Variants in ACOT13 observed in about 807,000 individuals in gnomAD.
ACOT13 encodes acyl-CoA thioesterase 13.
Under a neutral mutation model 11.8 loss-of-function variants are expected in ACOT13, and 10 were observed. That is an observed-to-expected ratio of 0.85 (90% CI 0.53 to 1.44). The LOEUF (loss-of-function observed/expected upper bound fraction) is 1.44. Among genes scored for constraint, ACOT13 ranks in the 40% most tolerant of loss-of-function variants. The pLI is 0.00. For synonymous variants in ACOT13, 53 were observed against 61.0 expected (o/e 0.87, Z 0.61); for missense variants, 172 against 174.1 (o/e 0.99, Z 0.07).
chr6:24,674,485 T>C (rs980430155), intron 1 of ACOT13, among the ~76,000 whole-genome samples: 4 of 152,300 alleles, frequency 2.6e-5, no homozygotes, highest in African/African-American at 4.8e-5. Context: ...TTCAGCTGAG[T>C]GCAGCGTCTG....
At chr6:24,683,006 G>A (rs1244370217) in intron 1 of ACOT13, among the ~76,000 whole-genome samples, 1 of 152,184 alleles carries the variant, frequency 6.6e-6, no homozygotes, top group African/African-American at 2.4e-5. Context: ...GAGCTAAGTT[G>A]CAAGCCCCGT....
intron 1 of ACOT13, among the ~76,000 whole-genome samples, chr6:24,683,208 C>G (rs1778580721): frequency 6.6e-6 from 1 of 152,138 alleles, no homozygotes; most frequent in South Asian, 2.1e-4. Context: ...AAATGTGAAC[C>G]CCAAAAATTT....
rs1361065448 is a variant in ACOT13, at chr6:24,702,781, A to T, written c.*1166A>T. ...GAAATGGTCCAATAGAGGGGGAAGA[A>T]AAAAAGCATGCTACTAGCCCCTTTT... On this transcript the variant is annotated 3_prime_UTR_variant, in exon 3 of 3. Coordinates refer to ENST00000230048, the MANE Select transcript of ACOT13 (RefSeq NM_018473.4). 10 of 151,490 alleles carry T rather than the reference A, an allele frequency of 6.6e-5. No homozygotes were observed. The highest frequency in any genetic ancestry group is 2.1e-4 in the South Asian group (1 of 4,832). 9.4% of individuals were successfully genotyped at this position (151,490 alleles called of 1,614,324 possible).
At chr6:24,696,741 AGTT>A (rs1778800133) in intron 1 of ACOT13, among the ~76,000 whole-genome samples, 1 of 152,048 alleles carries the variant, frequency 6.6e-6, no homozygotes, top group Non-Finnish European at 1.5e-5. Context: ...CCTTTCCATA[AGTT>A]GCCTTTTTAA....
chr6:24,699,662 A>G (rs1419946456), intron 2 of ACOT13, among the ~76,000 whole-genome samples: 1 of 152,254 alleles, frequency 6.6e-6, no homozygotes, highest in Admixed American at 6.5e-5. Context: ...TACAGAAAAG[A>G]AAGGCTCTGC....
At chr6:24,692,594 A>T (rs1379440468) in intron 1 of ACOT13, among the ~76,000 whole-genome samples, 3 of 151,792 alleles carry the variant, frequency 2.0e-5, no homozygotes, top group Non-Finnish European at 4.4e-5. Context: ...ATTTTAAAAA[A>T]TTTTTCTAGA....
At chr6:24,697,849 A>G (rs1288158843) in intron 1 of ACOT13, 34 bp from the exon 2 acceptor site, 1 of 1,541,222 alleles carries the variant, frequency 6.5e-7, no homozygotes, top group Admixed American at 2.0e-5. Flanking sequence ...AATTCTACAG[A>G]ATTAATGTTC....
intron 1 of ACOT13, among the ~76,000 whole-genome samples, chr6:24,670,309 C>T (rs1188595894): frequency 6.6e-6 from 1 of 152,194 alleles, no homozygotes; most frequent in Non-Finnish European, 1.5e-5. Context: ...CAAGCTCAGC[C>T]ATGGATTTGT....
At position 24,701,481 on chromosome 6, in the gene ACOT13, G is replaced by A. The variant is rs1778890947; in HGVS notation, c.289G>A (p.Gly97Arg). The A allele has an allele frequency of 2.5e-6, 4 of 1,607,764 alleles. No homozygotes were observed. The highest frequency in any genetic ancestry group is 3.4e-6 in the Non-Finnish European group (4 of 1,176,662). ...NITYMSPAKLGEDIVITAHVL... is the reference protein window; with the variant it reads ...NITYMSPAKLREDIVITAHVL... ...AAGGTACATGTCACCTGCAAAATTAGGAGAAGATATAGTGATTACAGCACA... is the reference window on the plus strand; with the variant it reads ...AAGGTACATGTCACCTGCAAAATTAAGAGAAGATATAGTGATTACAGCACA... The change falls in exon 3 of 3, where the codon GGA (glycine) becomes AGA (arginine). Residue 97 changes from glycine (G) to arginine (R), a missense_variant. Physicochemically the swap from Gly to Arg is moderately radical, Grantham distance 125. Transcript: ENST00000230048.
chr6:24,691,145 A>G (rs1211241587), intron 1 of ACOT13, among the ~76,000 whole-genome samples: 2 of 152,130 alleles, frequency 1.3e-5, no homozygotes, highest in African/African-American at 4.8e-5. Context: ...TTCTCCCCAT[A>G]GTTTGTTCAG....
At chr6:24,681,814 G>T (rs1434220187) in intron 1 of ACOT13, among the ~76,000 whole-genome samples, 2 of 152,198 alleles carry the variant, frequency 1.3e-5, no homozygotes, top group Admixed American at 1.3e-4. Flanking sequence ...TACCTAGGAG[G>T]CAGGGATCAG....
At chr6:24,694,298 C>A (rs1778762431) in intron 1 of ACOT13, among the ~76,000 whole-genome samples, 1 of 152,182 alleles carries the variant, frequency 6.6e-6, no homozygotes, top group African/African-American at 2.4e-5. Context: ...AGCCTCCATA[C>A]CATCTTCACC....
chr6:24,694,083 A>C (rs1362463476), intron 1 of ACOT13, among the ~76,000 whole-genome samples: 1 of 152,238 alleles, frequency 6.6e-6, no homozygotes, highest in Non-Finnish European at 1.5e-5. Flanking sequence ...TAAAAGGGAC[A>C]GATTATTGTA....
At chr6:24,698,667 G>A (rs561097567) in intron 2 of ACOT13, among the ~76,000 whole-genome samples, 1 of 148,328 alleles carries the variant, frequency 6.7e-6, no homozygotes, top group Non-Finnish European at 1.5e-5. Flanking sequence ...TGGACACGGA[G>A]TCTCCCCATC....
Position 24,694,857 on chromosome 6 carries a change from T to A in ACOT13, c.82-3026T>A, listed in dbSNP as rs540958311. Among the ~76,000 whole-genome samples the A allele has an allele frequency of 1.3e-5, 2 of 152,362 alleles. 1 individual carries two copies. The highest frequency in any genetic ancestry group is 1.3e-4 in the Admixed American group (2 of 15,310). Reference sequence around the variant, plus strand: ...AAATTTTAAAACAATTTTATTAGTATGTCCTTTGGCCTTTCAAGTTGGGGG... The same window carrying A: ...AAATTTTAAAACAATTTTATTAGTAAGTCCTTTGGCCTTTCAAGTTGGGGG... On this transcript the variant is annotated intron_variant, in intron 1 of 2. Transcript: ENST00000230048.
At chr6:24,693,169 C>T (rs2127627305) in intron 1 of ACOT13, among the ~76,000 whole-genome samples, 1 of 152,314 alleles carries the variant, frequency 6.6e-6, no homozygotes, top group South Asian at 2.1e-4. Flanking sequence ...TTGAAAACAG[C>T]CTTATTCACA....
chr6:24,678,916 G>T (rs1283079993), intron 1 of ACOT13, among the ~76,000 whole-genome samples: 7 of 152,154 alleles, frequency 4.6e-5, no homozygotes, highest in African/African-American at 1.7e-4. Flanking sequence ...CATACCCGGG[G>T]CCCTGTGAGG....
rs563020332 is a variant in ACOT13, at chr6:24,685,332, C to CTTTTTTT, written c.82-12525_82-12519dup. On this transcript the variant is annotated intron_variant, in intron 1 of 2. Transcript: ENST00000230048. ...ACATGGTCTCTTTCCTTTTACTGTA[C>CTTTTTTT]TTTTTTTTTTTTTTTTTTTTTTTTT... is the stretch of plus-strand genomic sequence containing the variant. 9.9e-4 allele frequency among the ~76,000 whole-genome samples: 116 copies of CTTTTTTT among 116,730 alleles called. 3 individuals are homozygous for CTTTTTTT. The highest frequency in any genetic ancestry group is 1.6e-3 in the Non-Finnish European group (88 of 55,506). 76.6% of individuals were successfully genotyped at this position (116,730 alleles called of 152,430 possible).
At chr6:24,696,598 C>A (rs1441227914) in intron 1 of ACOT13, among the ~76,000 whole-genome samples, 1 of 152,166 alleles carries the variant, frequency 6.6e-6, no homozygotes, top group Non-Finnish European at 1.5e-5. Context: ...TTCCTGAACA[C>A]CTCTAGTGAG....
Sources: allele counts gnomAD v4.1 joint callset (sites outside exome capture counted in the v4.1 genomes callset), GRCh38; gene constraint gnomAD v4.1.1; transcripts MANE v1.5; gene names NCBI Gene and HGNC (gene_info 2026-07-23, HGNC 2026-07-21).